CISD3: variants seen among roughly 807,000 people sequenced by gnomAD.
The protein encoded by CISD3 is CDGSH iron sulfur domain 3, also known as CDGSH iron-sulfur domain-containing protein 3, mitochondrial.
In CISD3, 11 loss-of-function variants were observed where a neutral mutation model predicts 14.1. That is an observed-to-expected ratio of 0.78 (90% confidence interval 0.49 to 1.29). CISD3 has a LOEUF of 1.29. Ranked by LOEUF, CISD3 falls within the 50% of genes most tolerant of loss-of-function variation. CISD3 has a pLI of 0.00. For missense variants in CISD3, 156 were observed against 171.6 expected, an observed-to-expected ratio of 0.91 and a Z score of 0.51; for synonymous variants, 53 against 69.2, an observed-to-expected ratio of 0.77 and a Z score of 1.16.
At chr17:38,733,211 C>G in intron 3 of CISD3, 65 bp from the exon 4 acceptor site, 1 of 715,080 alleles carries the variant, frequency 1.4e-6, no homozygotes, top group Admixed American at 3.2e-5. Flanking sequence ...TGAGCTCCTG[C>G]AGCCTGCCCT....
chr17:38,730,354 C>G lies in CISD3; in HGVS notation c.-5C>G. On this transcript the variant is annotated 5_prime_UTR_variant, in exon 1 of 4. Coordinates refer to ENST00000613478, the MANE Select transcript of CISD3 (RefSeq NM_001136498.2). ...CAGCGGGCGGGCGCGGCGCGGGAGG[C>G]GACCATGCGCGGCGCGGGGGCGATC... is the stretch of plus-strand genomic sequence containing the variant. 8.7e-7 allele frequency: 1 copy of G among 1,149,578 alleles called. No homozygotes were observed. Among genetic ancestry groups the G allele is most frequent in the Non-Finnish European group, 1.1e-6 (1 of 935,936 alleles). 71.2% of individuals were successfully genotyped at this position (1,149,578 alleles called of 1,614,324 possible).
chr17:38,730,875 G>C (rs941720262), intron 2 of CISD3, 80 bp downstream of exon 2: 2 of 1,416,428 alleles, frequency 1.4e-6, no homozygotes, highest in African/African-American at 2.8e-5. Flanking sequence ...AGGAAATGGA[G>C]CTAGGAAGAG....
In CISD3 at chr17:38,733,543, G is replaced by A. The variant is rs1322493820; in HGVS notation, c.*88G>A. 7.6e-7 allele frequency: 1 copy of A among 1,309,250 alleles called. No homozygotes were observed. Among genetic ancestry groups the A allele is most frequent in the East Asian group, 2.5e-5 (1 of 39,218 alleles). 81.1% of individuals were successfully genotyped at this position (1,309,250 alleles called of 1,614,324 possible). On this transcript the variant is annotated 3_prime_UTR_variant, in exon 4 of 4. Transcript: ENST00000613478. ...CTGTGGGAAAGGAAACAGGTGCTGA[G>A]CCCAAGAGACTCTGGTACCCACTGC...
intron 1 of CISD3, 88 bp from the exon 2 acceptor site, chr17:38,730,672 C>T: frequency 7.4e-7 from 1 of 1,355,048 alleles, no homozygotes; most frequent in Non-Finnish European, 1.0e-6. Context: ...CCTAGATGGC[C>T]TCCCGTGTCC....
chr17:38,734,103 C>A lies in CISD3; in HGVS notation c.*648C>A, dbSNP rs1906491017. 1 of 152,192 alleles carries A rather than the reference C, an allele frequency of 6.6e-6. No homozygotes were observed. The highest frequency in any genetic ancestry group is 2.4e-5 in the African/African-American group (1 of 41,330). The allele number at this position is 152,192 out of a possible 1,614,324, so 9.4% of individuals were successfully genotyped here. On this transcript the variant is annotated 3_prime_UTR_variant, in exon 4 of 4. Transcript: ENST00000613478. ...CAGATCTATGCACACTTGAGGAAAT[C>A]TCGGTGGGCAGCGACCTGCCAGGGT...
At chr17:38,732,938 G>GACACACACACACAC (rs148830489) in intron 3 of CISD3, among the ~76,000 whole-genome samples, 240 of 116,658 alleles carry the variant, frequency 2.1e-3, no homozygotes, top group African/African-American at 6.5e-3. Context: ...GAGACTCAGA[G>GACACACACACACAC]ACACACACAC....
At chr17:38,730,658 C>T (rs1176598446) in intron 1 of CISD3, 102 bp from the exon 2 acceptor site, 2 of 1,230,404 alleles carry the variant, frequency 1.6e-6, no homozygotes, top group Non-Finnish European at 1.2e-6. Context: ...GTCACCTCCT[C>T]CTTCCTAGAT....
chr17:38,735,600 T>A lies in CISD3; in HGVS notation c.*2145T>A, dbSNP rs202151124. 92 of 1,559,894 alleles carry A rather than the reference T, an allele frequency of 5.9e-5. No individual in the cohort carries two copies. In the Middle Eastern group the frequency reaches 7.7e-4, roughly 13 times the overall value. On this transcript the variant is annotated 3_prime_UTR_variant, in exon 4 of 4. Transcript: ENST00000613478. The stretch of plus-strand genomic sequence containing the variant: ...CGGTACTTGAGGGGGAGAGGCCCGT[T>A]CTGCGGGGAGAGTGGGGAGGAGAGA...
chr17:38,732,969 T>C (rs4042948), intron 3 of CISD3, among the ~76,000 whole-genome samples: 1 of 72,362 alleles, frequency 1.4e-5, no homozygotes, highest in Non-Finnish European at 4.0e-5. Context: ...ACACACACAC[T>C]CACACTCTAT....
intron 3 of CISD3, among the ~76,000 whole-genome samples, chr17:38,732,256 C>G (rs1260164828): frequency 6.6e-6 from 1 of 152,202 alleles, no homozygotes; most frequent in Non-Finnish European, 1.5e-5. Flanking sequence ...GTCCATGCAC[C>G]TCAAGCCCTC....
chr17:38,731,765 C>T (rs1014041678), intron 3 of CISD3: 2 of 287,212 alleles, frequency 7.0e-6, no homozygotes, highest in Admixed American at 4.5e-5. Flanking sequence ...TTCCAGGAAG[C>T]GCCTGGGCCA....
chr17:38,730,958 C>A, intron 2 of CISD3, 163 bp downstream of exon 2: 1 of 713,300 alleles, frequency 1.4e-6, no homozygotes, highest in Non-Finnish European at 2.3e-6. Flanking sequence ...CTGGGCAGGG[C>A]GCCAGTCTTC....
intron 3 of CISD3, 22 bp downstream of exon 3, chr17:38,731,461 C>CT (rs754881819): frequency 9.7e-6 from 15 of 1,551,324 alleles, no homozygotes; most frequent in Non-Finnish European, 1.3e-5. Flanking sequence ...GTCTGCCTTC[C>CT]TACTGATACC....
chr17:38,730,448 A>G, intron 1 of CISD3, 42 bp downstream of exon 1: 1 of 1,253,464 alleles, frequency 8.0e-7, no homozygotes, highest in Non-Finnish European at 1.0e-6. Context: ...CCCGAACCCC[A>G]GCCGGGCCCC....
At chr17:38,731,787 G>T in intron 3 of CISD3, 1 of 274,220 alleles carries the variant, frequency 3.6e-6, no homozygotes, top group Non-Finnish European at 7.1e-6. Flanking sequence ...AGATTCCCAG[G>T]CCTTGAACCC....
intron 3 of CISD3, among the ~76,000 whole-genome samples, chr17:38,732,273 A>C (rs1721222598): frequency 1.3e-5 from 2 of 152,122 alleles, no homozygotes; most frequent in Non-Finnish European, 2.9e-5. Context: ...CCTCTAAGAC[A>C]AGTTGCTGGT....
rs1203681351 is a variant in CISD3 at position 38,735,188 on chromosome 17, A to C, written c.*1733A>C. ...CCCAGAAAAAGTGGAAGGAGTGGAG[A>C]GGCTTGGCTGGAAGAAGGGAGAGGG... is the stretch of plus-strand genomic sequence containing the variant. On this transcript the variant is annotated 3_prime_UTR_variant, in exon 4 of 4. Coordinates refer to ENST00000613478, the MANE Select transcript of CISD3 (RefSeq NM_001136498.2). The C allele has an allele frequency of 1.5e-6, 2 of 1,340,986 alleles. No individual in the cohort carries two copies. The highest frequency in any genetic ancestry group is 3.0e-5 in the African/African-American group (2 of 67,474). 83.1% of individuals were successfully genotyped at this position (1,340,986 alleles called of 1,614,324 possible). A position where few individuals can be genotyped will look rare whatever the true frequency, so the allele number is the denominator to read the frequency against.
rs1168668956 is a variant in CISD3 at position 38,731,437 on chromosome 17, C to A, written c.202C>A (p.Gln68Lys). 1 of 1,551,586 alleles carries A rather than the reference C, an allele frequency of 6.4e-7. No homozygotes were observed. Among genetic ancestry groups the A allele is most frequent in the Admixed American group, 2.0e-5 (1 of 51,008 alleles). ...RWCVCGRSKK[Q>K]PFCDGSHFFQ... Reference sequence around the variant, plus strand: ...GTGTGTGTGTGGCCGCAGCAAGAAGCAGGTGAGACCCCTGTCTGCCTTCCT... The same window carrying A: ...GTGTGTGTGTGGCCGCAGCAAGAAGAAGGTGAGACCCCTGTCTGCCTTCCT... Residue 68 changes from glutamine to lysine, a missense_variant and splice_region_variant, in exon 3 of 4, where the codon CAG (glutamine) becomes AAG (lysine). Gln to Lys is a moderately conservative substitution (Grantham distance 53, BLOSUM62 1). Coordinates refer to ENST00000613478, the MANE Select transcript of CISD3 (RefSeq NM_001136498.2).
chr17:38,733,582 A>T lies in CISD3; in HGVS notation c.*127A>T, dbSNP rs1364022519. The T allele has an allele frequency of 2.0e-6, 2 of 992,522 alleles. No homozygotes were observed. Among genetic ancestry groups the T allele is most frequent in the African/African-American group, 3.3e-5 (2 of 60,832 alleles). 61.5% of individuals were successfully genotyped at this position (992,522 alleles called of 1,614,324 possible). ...GGTACCCACTGCTGGCTCATGAAGG[A>T]AGAATTATTCCTTATAACCTAAAAG... On this transcript the variant is annotated 3_prime_UTR_variant, in exon 4 of 4. Coordinates refer to ENST00000613478, the MANE Select transcript of CISD3 (RefSeq NM_001136498.2).
Sources: allele counts gnomAD v4.1 joint callset (sites outside exome capture counted in the v4.1 genomes callset), GRCh38; gene constraint gnomAD v4.1.1; transcripts MANE v1.5; gene names NCBI Gene and HGNC (gene_info 2026-07-23, HGNC 2026-07-21).